Variants in DCTN5 observed in about 807,000 individuals in gnomAD.
The protein encoded by DCTN5 is dynactin 4.
A neutral mutation model predicts 23.5 loss-of-function variants in DCTN5; 14 were observed. The observed-to-expected ratio is 0.60, with a 90% CI of 0.39 to 0.93. The LOEUF (loss-of-function observed/expected upper bound fraction) is 0.93, where lower values mean the gene tolerates loss of function less well. Among genes scored for constraint, DCTN5 ranks in the 40% least tolerant of loss-of-function variants. The pLI, the probability that DCTN5 is intolerant of heterozygous loss-of-function variation, is 0.00. For synonymous variants in DCTN5, 67 were observed against 79.6 expected (o/e 0.84, Z 0.84); for missense variants, 156 against 225.9 (o/e 0.69, Z 1.98).
At chr16:23,650,888 A>G in intron 2 of DCTN5, 1 of 1,398,690 alleles carries the variant, frequency 7.1e-7, no homozygotes, top group Non-Finnish European at 9.8e-7. Context: ...GAATTGGAGA[A>G]TGTGACCAAT....
At position 23,668,119 on chromosome 16, in the gene DCTN5, C is replaced by T. The variant is rs1317631202; in HGVS notation, c.*975C>T. 1.3e-5 allele frequency: 2 copies of T among 152,196 alleles called. No homozygotes were observed. The highest frequency in any genetic ancestry group is 4.8e-5 in the African/African-American group (2 of 41,440). 9.4% of individuals were successfully genotyped at this position (152,196 alleles called of 1,614,324 possible). On this transcript the variant is annotated 3_prime_UTR_variant, in exon 6 of 6. Transcript: ENST00000300087. ...ATGAAGTTACTAGGGCTGTTCTTAC[C>T]ATCTCCTTCTGGCCAAATAGCACAA...
At chr16:23,662,051 TA>T (rs113915766) in intron 4 of DCTN5, among the ~76,000 whole-genome samples, 314 of 137,614 alleles carry the variant, frequency 2.3e-3, no homozygotes, top group Non-Finnish European at 2.5e-3. Context: ...CCCTTTCTCT[TA>T]AAAAAAAAAA....
chr16:23,649,866 T>G (rs1021400548), intron 2 of DCTN5, among the ~76,000 whole-genome samples: 2 of 151,334 alleles, frequency 1.3e-5, no homozygotes, highest in Non-Finnish European at 2.9e-5. Context: ...AAAGATTTCA[T>G]TTTGAGTTGA....
rs1336193879 is a variant in DCTN5 at position 23,672,951 on chromosome 16, C to T, written c.*5807C>T. On this transcript the variant is annotated 3_prime_UTR_variant, in exon 6 of 6. Coordinates refer to ENST00000300087, the MANE Select transcript of DCTN5 (RefSeq NM_032486.4). The stretch of plus-strand genomic sequence containing the variant: ...GACCATCCTGGCTAACACAGTGAAA[C>T]CCCATCTCTACTAAAAATACAAAAA... The T allele has an allele frequency of 6.6e-6, 1 of 152,084 alleles. No individual in the cohort carries two copies. Among genetic ancestry groups the T allele is most frequent in the East Asian group, 1.9e-4 (1 of 5,192 alleles). 9.4% of individuals were successfully genotyped at this position (152,084 alleles called of 1,614,324 possible). A position where few individuals can be genotyped will look rare whatever the true frequency, so the allele number is the denominator to read the frequency against.
At chr16:23,649,180 A>G (rs1967544160) in intron 2 of DCTN5, among the ~76,000 whole-genome samples, 1 of 152,158 alleles carries the variant, frequency 6.6e-6, no homozygotes, top group African/African-American at 2.4e-5. Context: ...TGTTTAGTGA[A>G]CATTTTAAAA....
At chr16:23,645,137 A>ATATATATGTATAT (rs1555462995) in intron 2 of DCTN5, among the ~76,000 whole-genome samples, 1 of 30,806 alleles carries the variant, frequency 3.2e-5, no homozygotes, top group Non-Finnish European at 5.6e-5. Context: ...ATATATATAT[A>ATATATATGTATAT]TTTTTTTTTT....
Position 23,658,522 on chromosome 16 carries a change from G to A in DCTN5, c.133G>A (p.Asp45Asn). Reference sequence around the variant, plus strand: ...CGTCTTACAGACCATTGTGATGAATGACTGTATTATCCGAGGGGATCTGGC... The same window carrying A: ...CGTCTTACAGACCATTGTGATGAATAACTGTATTATCCGAGGGGATCTGGC... Reference protein sequence around the residue: ...VLNGKTIVMNDCIIRGDLANV... With the variant: ...VLNGKTIVMNNCIIRGDLANV... The change falls in exon 3 of 6, where the codon GAC becomes AAC. Residue 45 changes from aspartate (D) to asparagine (N), a missense_variant. Asp to Asn is a conservative substitution (Grantham distance 23, BLOSUM62 1). Around this residue, in one of 2 missense-constraint regions of DCTN5, gnomAD observed 153 missense variants for 206.8 expected, o/e 0.74. Transcript: ENST00000300087. The A allele has an allele frequency of 6.2e-7, 1 of 1,614,024 alleles. No homozygotes were observed. The highest frequency in any genetic ancestry group is 8.5e-7 in the Non-Finnish European group (1 of 1,179,882).
At chr16:23,654,933 G>A (rs1040443587) in intron 2 of DCTN5, among the ~76,000 whole-genome samples, 5 of 152,026 alleles carry the variant, frequency 3.3e-5, no homozygotes, top group Admixed American at 2.0e-4. Context: ...ACAGGATTTC[G>A]TTCTTTTTTA....
Position 23,673,305 on chromosome 16 carries a change from G to A in DCTN5, c.*6161G>A, listed in dbSNP as rs1156740712. ...TTTGTTTATTTTTTAAATAGAGACAGGGTTTTACCATGTTGCCCAGACTAG... is the reference window on the plus strand; with the variant it reads ...TTTGTTTATTTTTTAAATAGAGACAAGGTTTTACCATGTTGCCCAGACTAG... On this transcript the variant is annotated 3_prime_UTR_variant, in exon 6 of 6. Coordinates refer to ENST00000300087, the MANE Select transcript of DCTN5 (RefSeq NM_032486.4). The A allele has an allele frequency of 1.3e-5, 2 of 152,102 alleles. No individual in the cohort carries two copies. The highest frequency in any genetic ancestry group is 4.8e-5 in the African/African-American group (2 of 41,414). 9.4% of individuals were successfully genotyped at this position (152,102 alleles called of 1,614,324 possible).
In DCTN5 at chr16:23,668,475, TAGTC is replaced by T. The variant is rs1967946718; in HGVS notation, c.*1334_*1337del. On this transcript the variant is annotated 3_prime_UTR_variant, in exon 6 of 6. Coordinates refer to ENST00000300087, the MANE Select transcript of DCTN5 (RefSeq NM_032486.4). ...TCTCTCTCCCATAACAGTGCAGTGA[TAGTC>T]AGCTGGTCCAGGCCAGGCAAGGGGC... 1 of 152,252 alleles carries T rather than the reference TAGTC, an allele frequency of 6.6e-6. No individual in the cohort carries two copies. Among genetic ancestry groups the T allele is most frequent in the South Asian group, 2.1e-4 (1 of 4,836 alleles). The allele number at this position is 152,252 out of a possible 1,614,324, so 9.4% of individuals were successfully genotyped here. A position where few individuals can be genotyped will look rare whatever the true frequency, so the allele number is the denominator to read the frequency against.
At chr16:23,658,309 G>A (rs999844672) in intron 2 of DCTN5, among the ~76,000 whole-genome samples, 198 bp from the exon 3 acceptor site, 4 of 152,182 alleles carry the variant, frequency 2.6e-5, no homozygotes, top group African/African-American at 9.7e-5. Flanking sequence ...GATGTACTAG[G>A]AACATCACTA....
chr16:23,651,325 C>A (rs550878300), intron 2 of DCTN5, among the ~76,000 whole-genome samples: 2 of 152,210 alleles, frequency 1.3e-5, no homozygotes, highest in Non-Finnish European at 2.9e-5. Flanking sequence ...TGTTTTGAAT[C>A]TGACTTCTCT....
intron 5 of DCTN5, chr16:23,666,054 T>G: frequency 3.9e-6 from 1 of 253,290 alleles, no homozygotes; most frequent in South Asian, 6.4e-5. Flanking sequence ...GGGATGGAAA[T>G]AAAGCCTTGG....
intron 2 of DCTN5, among the ~76,000 whole-genome samples, chr16:23,652,040 C>T (rs909641338): frequency 6.6e-6 from 1 of 152,086 alleles, no homozygotes; most frequent in Admixed American, 6.6e-5. Flanking sequence ...ATCTCAAAAA[C>T]TAAAAATAAA....
chr16:23,642,657 A>T lies in DCTN5; in HGVS notation c.49-298A>T, dbSNP rs12448865. On this transcript the variant is annotated intron_variant, in intron 1 of 5. Transcript: ENST00000300087. ...GCCACCATGCCCGGCTAATTAAAAA[A>T]TTTTTTTTTTGTTGAGAAGGGGTCT... 872 of 246,218 alleles carry T rather than the reference A, an allele frequency of 3.5e-3. 1 individual carries two copies. The highest frequency in any genetic ancestry group is 0.016 in the African/African-American group (689 of 44,098). 15.3% of individuals were successfully genotyped at this position (246,218 alleles called of 1,614,324 possible).
At chr16:23,643,113 C>T (rs1967338438) in intron 2 of DCTN5, 90 bp downstream of exon 2, 6 of 1,007,448 alleles carry the variant, frequency 6.0e-6, no homozygotes, top group South Asian at 5.5e-5. Flanking sequence ...GTTGCCATAT[C>T]TCCTATTTAT....
At chr16:23,647,137 T>TTTTTTTTTTTTGTTTTTTTTG (rs1967482207) in intron 2 of DCTN5, among the ~76,000 whole-genome samples, 5 of 3,422 alleles carry the variant, frequency 1.5e-3, no homozygotes, top group Admixed American at 2.2e-3. Flanking sequence ...GTTTTCTGGT[T>TTTTTTTTTTTTGTTTTTTTTG]TTTTTTTTTT....
intron 2 of DCTN5, among the ~76,000 whole-genome samples, chr16:23,657,047 T>C (rs1156703276): frequency 6.6e-6 from 1 of 152,084 alleles, no homozygotes; most frequent in Non-Finnish European, 1.5e-5. Flanking sequence ...ATTGTAGTCA[T>C]CTAAAGGGTC....
At position 23,661,253 on chromosome 16, in the gene DCTN5, A is replaced by G. The variant is rs190598999; in HGVS notation, c.320A>G (p.Tyr107Cys). 16 of 1,612,238 alleles carry G rather than the reference A, an allele frequency of 9.9e-6. No individual in the cohort carries two copies. The Admixed American group carries it at 1.5e-4, about 15-fold the overall frequency. ...CVVNAAQIGSYVHVGKNCVIG... is the reference protein window; with the variant it reads ...CVVNAAQIGSCVHVGKNCVIG... The stretch of plus-strand genomic sequence containing the variant: ...GTCAACGCAGCACAGATTGGTTCCT[A>G]TGTTCATGTTGGGAAGAACTGTGTG... The change falls in exon 4 of 6, where the codon TAT (tyrosine) becomes TGT (cysteine). Residue 107 changes from tyrosine to cysteine, a missense_variant. By Grantham distance (194) the Tyr-to-Cys change is radical (BLOSUM62 -2). Coordinates refer to ENST00000300087, the MANE Select transcript of DCTN5 (RefSeq NM_032486.4).
Sources: gnomAD v4.1 joint callset for allele counts (sites outside exome capture counted in the v4.1 genomes callset) on GRCh38, gnomAD v4.1.1 for gene constraint, gnomAD v4.1.1 regional missense constraint, MANE v1.5 for transcripts, NCBI Gene and HGNC (gene_info 2026-07-23, HGNC 2026-07-21) for gene names.